The following PDE4D variants were observed in gnomAD, a reference collection of about 807,000 sequenced individuals.
The protein encoded by PDE4D is phosphodiesterase 4D.
In PDE4D, 24 loss-of-function variants were observed where a neutral mutation model predicts 87.4. The observed-to-expected ratio is 0.27, with a 90% CI of 0.20 to 0.39. The LOEUF is 0.39. PDE4D is among the 10% of genes least tolerant of loss of function. PDE4D has a pLI of 1.00. For missense variants in PDE4D, 714 were observed against 1,041.0 expected (o/e 0.69, Z 4.32); for synonymous variants, 384 against 383.2 (o/e 1.00, Z -0.02).
intron 1 of PDE4D, among the ~76,000 whole-genome samples, chr5:59,713,725 T>C (rs1453029936): frequency 6.6e-6 from 1 of 152,018 alleles, no homozygotes; most frequent in Admixed American, 6.5e-5. Flanking sequence ...TGGCCAGCAG[T>C]AGATGGGTAC....
At chr5:60,380,161 C>G (rs1033782069) in intron 1 of PDE4D, among the ~76,000 whole-genome samples, 6 of 152,164 alleles carry the variant, frequency 3.9e-5, no homozygotes, top group Admixed American at 3.3e-4. Context: ...CATGATACGG[C>G]AGTTATAGAG....
intron 1 of PDE4D, among the ~76,000 whole-genome samples, chr5:59,385,153 G>A (rs1786725364): frequency 6.6e-6 from 1 of 152,008 alleles, no homozygotes; most frequent in African/African-American, 2.4e-5. Context: ...GTACTTCTCA[G>A]CTAGTTGCTT....
intron 1 of PDE4D, among the ~76,000 whole-genome samples, chr5:60,333,427 C>A (rs1757473022): frequency 6.6e-6 from 1 of 152,128 alleles, no homozygotes; most frequent in African/African-American, 2.4e-5. Flanking sequence ...CAGTTCAAAA[C>A]TGACACAGTG....
chr5:60,080,760 T>C (rs1773837466), intron 2 of PDE4D, among the ~76,000 whole-genome samples: 1 of 152,246 alleles, frequency 6.6e-6, no homozygotes, highest in African/African-American at 2.4e-5. Flanking sequence ...AGTTTTTTGA[T>C]ACACTGCTGG....
chr5:59,340,484 G>A (rs1221188667), intron 1 of PDE4D, among the ~76,000 whole-genome samples: 1 of 152,056 alleles, frequency 6.6e-6, no homozygotes, highest in Non-Finnish European at 1.5e-5. Context: ...AATCACATCA[G>A]GGTAAATGAG....
chr5:59,920,546 T>C (rs568809486), intron 3 of PDE4D, among the ~76,000 whole-genome samples: 1 of 152,252 alleles, frequency 6.6e-6, no homozygotes, highest in South Asian at 2.1e-4. Context: ...GTATGTAACA[T>C]ACAGAGTTAG....
chr5:59,378,586 G>C (rs148394114), intron 1 of PDE4D, among the ~76,000 whole-genome samples: 231 of 152,274 alleles, frequency 1.5e-3, no homozygotes, highest in South Asian at 3.3e-3. Flanking sequence ...TTCCAACGTT[G>C]TGTCTTTGCT....
intron 6 of PDE4D, among the ~76,000 whole-genome samples, chr5:58,995,492 C>T (rs547494763): frequency 2.0e-5 from 3 of 152,240 alleles, no homozygotes; most frequent in African/African-American, 4.8e-5. Context: ...TTCTGTCCCT[C>T]TTTACAAAGT....
At chr5:59,677,751 C>G (rs2150352956) in intron 1 of PDE4D, among the ~76,000 whole-genome samples, 1 of 152,240 alleles carries the variant, frequency 6.6e-6, no homozygotes. Flanking sequence ...AGCCCAGCAC[C>G]AACCAAGTAA....
chr5:59,624,679 T>C lies in PDE4D; in HGVS notation c.455+268489A>G, dbSNP rs542079280. On this transcript the variant is annotated intron_variant, in intron 1 of 14. Transcript: ENST00000340635. ...TCTAATTAAGAATTATTTCTGGCAGTTTTTCAATTACATGGTTATTTCTTC... is the reference window on the plus strand; with the variant it reads ...TCTAATTAAGAATTATTTCTGGCAGCTTTTCAATTACATGGTTATTTCTTC... Among the ~76,000 whole-genome samples the C allele has an allele frequency of 2.0e-5, 3 of 152,338 alleles. No homozygotes were observed. In the East Asian group the frequency reaches 5.8e-4, roughly 29 times the overall value.
intron 1 of PDE4D, among the ~76,000 whole-genome samples, chr5:59,308,297 C>A (rs1293510205): frequency 6.6e-6 from 1 of 151,356 alleles, no homozygotes; most frequent in African/African-American, 2.4e-5. Flanking sequence ...ACCGGCATGG[C>A]ACATGTACCC....
At chr5:59,700,532 A>C (rs16890117) in intron 1 of PDE4D, among the ~76,000 whole-genome samples, 2,478 of 152,328 alleles carry the variant, frequency 0.016, 69 homozygotes, top group African/African-American at 0.057. Context: ...CACACCTAAT[A>C]AATGAACAAA....
chr5:59,197,757 A>C (rs549235805), intron 2 of PDE4D, among the ~76,000 whole-genome samples: 11 of 152,360 alleles, frequency 7.2e-5, no homozygotes, highest in Admixed American at 1.3e-4. Flanking sequence ...TCACTTTGTG[A>C]ATATGATTTG....
At position 59,438,760 on chromosome 5, in the gene PDE4D, T is replaced by G. The variant is rs534534021; in HGVS notation, c.456-222792A>C. Among the ~76,000 whole-genome samples the G allele has an allele frequency of 9.2e-5, 14 of 152,060 alleles. No homozygotes were observed. In the South Asian group the frequency reaches 2.7e-3, roughly 29 times the overall value. On this transcript the variant is annotated intron_variant, in intron 1 of 14. Coordinates refer to ENST00000340635, the MANE Select transcript of PDE4D (RefSeq NM_001104631.2). ...TGCTTCTCCAAATCTATTTCTGTAC[T>G]CCACCTCTTCTAGGGTCTGCATCAA...
chr5:59,195,211 G>C (rs1439132776), intron 2 of PDE4D, among the ~76,000 whole-genome samples: 2 of 152,012 alleles, frequency 1.3e-5, no homozygotes, highest in African/African-American at 4.8e-5. Flanking sequence ...ACAGAAACTG[G>C]ACTAAGATAG....
intron 1 of PDE4D, among the ~76,000 whole-genome samples, chr5:60,253,559 C>T (rs1176949760): frequency 6.6e-6 from 1 of 151,822 alleles, no homozygotes; most frequent in Non-Finnish European, 1.5e-5. Context: ...CTCAATTTTA[C>T]AGTAAACAGC....
chr5:60,443,941 A>C (rs1376128796), intron 1 of PDE4D, among the ~76,000 whole-genome samples: 1 of 151,602 alleles, frequency 6.6e-6, no homozygotes, highest in African/African-American at 2.4e-5. Context: ...GGCATATCCC[A>C]CCTCACCCAC....
chr5:60,400,349 T>C (rs990834813), intron 1 of PDE4D, among the ~76,000 whole-genome samples: 1 of 151,302 alleles, frequency 6.6e-6, no homozygotes, highest in African/African-American at 2.4e-5. Context: ...GGTGAAACCC[T>C]GTCTCTACTA....
At chr5:59,643,985 T>C (rs1205098580) in intron 1 of PDE4D, among the ~76,000 whole-genome samples, 12 of 152,186 alleles carry the variant, frequency 7.9e-5, no homozygotes, top group Non-Finnish European at 1.0e-4. Flanking sequence ...AAGAGAAGTA[T>C]GCCAAGAGAG....
Sources: allele counts gnomAD v4.1 joint callset (sites outside exome capture counted in the v4.1 genomes callset), GRCh38; gene constraint gnomAD v4.1.1; transcripts MANE v1.5; gene names NCBI Gene and HGNC (gene_info 2026-07-23, HGNC 2026-07-21).